The following MYOCD variants were observed in gnomAD, a reference collection of about 807,000 sequenced individuals.
MYOCD encodes the protein myocardin.
Under a neutral mutation model 96.1 loss-of-function variants are expected in MYOCD, and 32 were observed. The observed-to-expected ratio is 0.33, with a 90% CI of 0.25 to 0.45. The LOEUF (loss-of-function observed/expected upper bound fraction) is 0.45. MYOCD is among the 20% of genes least tolerant of loss of function. The pLI, the probability that MYOCD is intolerant of heterozygous loss-of-function variation, is 1.00. For synonymous variants in MYOCD, 469 were observed against 469.0 expected (o/e 1.00, Z 0.00); for missense variants, 1,133 against 1,200.6 (o/e 0.94, Z 0.83).
intron 7 of MYOCD, among the ~76,000 whole-genome samples, chr17:12,742,778 G>A (rs568400215): frequency 6.6e-6 from 1 of 151,978 alleles, no homozygotes; most frequent in South Asian, 2.1e-4. Context: ...CACCATGTTG[G>A]CCAGGCTGGT....
At position 12,746,911 on chromosome 17, in the gene MYOCD, T is replaced by G. The variant is rs189483490; in HGVS notation, c.1125+839T>G. The stretch of plus-strand genomic sequence containing the variant: ...ACCCAGCTAATTTTTGTATTTTTAG[T>G]AGAGACAGGGTTTCACCAGTTGGCC... On this transcript the variant is annotated intron_variant, in intron 9 of 13. Coordinates refer to ENST00000425538, the MANE Select transcript of MYOCD (RefSeq NM_001146312.3). Among the ~76,000 whole-genome samples the G allele has an allele frequency of 4.0e-3, 615 of 152,092 alleles. 7 individuals are homozygous for G. Among genetic ancestry groups the G allele is most frequent in the African/African-American group, 0.014 (582 of 41,502 alleles).
chr17:12,669,426 C>T (rs1254470013), intron 1 of MYOCD, among the ~76,000 whole-genome samples: 1 of 152,226 alleles, frequency 6.6e-6, no homozygotes, highest in African/African-American at 2.4e-5. Flanking sequence ...AACTTGACCC[C>T]ACCCCCACAA....
intron 1 of MYOCD, among the ~76,000 whole-genome samples, chr17:12,679,866 AT>A (rs1386677412): frequency 6.6e-6 from 1 of 152,202 alleles, no homozygotes; most frequent in Non-Finnish European, 1.5e-5. Context: ...ACCTTTTTAT[AT>A]CCATGTTCAG....
intron 3 of MYOCD, among the ~76,000 whole-genome samples, 171 bp downstream of exon 3, chr17:12,715,745 T>C (rs1312267044): frequency 2.0e-5 from 3 of 152,140 alleles, no homozygotes; most frequent in Non-Finnish European, 4.4e-5. Context: ...ACTATAGAAA[T>C]AGGATCAACT....
At chr17:12,749,108 G>A (rs1293387329) in intron 9 of MYOCD, among the ~76,000 whole-genome samples, 2 of 152,074 alleles carry the variant, frequency 1.3e-5, no homozygotes, top group Admixed American at 6.5e-5. Context: ...TTAACACATC[G>A]TGAACATTTT....
At chr17:12,676,443 T>G (rs1910062700) in intron 1 of MYOCD, among the ~76,000 whole-genome samples, 1 of 152,208 alleles carries the variant, frequency 6.6e-6, no homozygotes, top group Non-Finnish European at 1.5e-5. Flanking sequence ...CCAAAATGAT[T>G]AGCTCTGGGT....
intron 1 of MYOCD, among the ~76,000 whole-genome samples, chr17:12,693,338 G>A (rs1031686987): frequency 2.0e-5 from 3 of 151,906 alleles, no homozygotes; most frequent in Admixed American, 1.3e-4. Context: ...GACCAGTCAC[G>A]GTGTCTCACG....
At chr17:12,694,078 T>TA (rs1388815270) in intron 1 of MYOCD, among the ~76,000 whole-genome samples, 1 of 151,924 alleles carries the variant, frequency 6.6e-6, no homozygotes, top group Non-Finnish European at 1.5e-5. Context: ...ACCTGTCACT[T>TA]AGAGGTGGGT....
At position 12,733,290 on chromosome 17, in the gene MYOCD, A is replaced by C. The variant is rs1351460671; in HGVS notation, c.416-2871A>C. Among the ~76,000 whole-genome samples the C allele has an allele frequency of 1.1e-4, 16 of 146,008 alleles. No homozygotes were observed. In the East Asian group the frequency reaches 3.3e-3, roughly 30 times the overall value. On this transcript the variant is annotated intron_variant, in intron 5 of 13. Coordinates refer to ENST00000425538, the MANE Select transcript of MYOCD (RefSeq NM_001146312.3). ...GTGCCACTGCACTCCAGCCTGGGCAACAGAGCAAGACTCCATCTCAAAAAA... is the reference window on the plus strand; with the variant it reads ...GTGCCACTGCACTCCAGCCTGGGCACCAGAGCAAGACTCCATCTCAAAAAA...
chr17:12,741,445 C>T (rs947732421), intron 7 of MYOCD, among the ~76,000 whole-genome samples: 10 of 152,146 alleles, frequency 6.6e-5, no homozygotes, highest in Admixed American at 1.3e-4. Context: ...TGGTGGCTCA[C>T]GCCTGTAATC....
At chr17:12,724,463 C>T (rs1257006261) in intron 5 of MYOCD, among the ~76,000 whole-genome samples, 1 of 152,144 alleles carries the variant, frequency 6.6e-6, no homozygotes, top group Non-Finnish European at 1.5e-5. Flanking sequence ...TGCTAATCCT[C>T]CATCTGTCAC....
intron 5 of MYOCD, 76 bp downstream of exon 5, chr17:12,723,084 G>C (rs1200338271): frequency 1.4e-6 from 2 of 1,403,828 alleles, no homozygotes; most frequent in Non-Finnish European, 1.9e-6. Flanking sequence ...GACATACTAG[G>C]ATCTTTGGGG....
intron 2 of MYOCD, among the ~76,000 whole-genome samples, chr17:12,713,442 C>T (rs980333381): frequency 1.3e-5 from 2 of 152,268 alleles, no homozygotes; most frequent in Admixed American, 6.5e-5. Flanking sequence ...GGAATGTCAG[C>T]GATATCCCAA....
chr17:12,755,683 C>T (rs546512661), intron 10 of MYOCD, among the ~76,000 whole-genome samples: 212 of 152,234 alleles, frequency 1.4e-3, no homozygotes, highest in African/African-American at 4.8e-3. Flanking sequence ...ACCAGCCTGG[C>T]CAATATGGTG....
chr17:12,739,676 C>T (rs894479490), intron 7 of MYOCD, among the ~76,000 whole-genome samples: 1 of 152,172 alleles, frequency 6.6e-6, no homozygotes, highest in African/African-American at 2.4e-5. Flanking sequence ...AATAGGTATG[C>T]AGCAGTTGGA....
chr17:12,743,731 G>C (rs1282480276), intron 7 of MYOCD, among the ~76,000 whole-genome samples: 1 of 152,042 alleles, frequency 6.6e-6, no homozygotes, highest in Admixed American at 6.6e-5. Flanking sequence ...GACTTCAGGT[G>C]ATCCACCCGC....
intron 2 of MYOCD, among the ~76,000 whole-genome samples, chr17:12,707,751 A>G (rs1168127450): frequency 1.3e-5 from 2 of 152,142 alleles, no homozygotes; most frequent in African/African-American, 2.4e-5. Context: ...AAATTAAAAA[A>G]GCACACAGAA....
chr17:12,739,351 G>GCCCT (rs2150706597), intron 7 of MYOCD, 23 bp downstream of exon 7: 2 of 1,517,422 alleles, frequency 1.3e-6, no homozygotes, highest in East Asian at 4.9e-5. Context: ...CAGCCTCCAA[G>GCCCT]CCCTGCCTGA....
intron 5 of MYOCD, among the ~76,000 whole-genome samples, chr17:12,726,946 C>G (rs2150694248): frequency 6.6e-6 from 1 of 152,170 alleles, no homozygotes; most frequent in African/African-American, 2.4e-5. Context: ...ATTTGTACAA[C>G]TTACCTATTA....
Sources: gnomAD v4.1 joint callset for allele counts (sites outside exome capture counted in the v4.1 genomes callset) on GRCh38, gnomAD v4.1.1 for gene constraint, MANE v1.5 for transcripts, NCBI Gene and HGNC (gene_info 2026-07-23, HGNC 2026-07-21) for gene names.